The following HEMK2 variants were observed in gnomAD, a reference collection of about 807,000 sequenced individuals.
HEMK2 encodes methyltransferase HEMK2.
the HEMK2 span, chr21:28,577,518 T>C: frequency 1.3e-5 from 2 of 152,198 alleles, no homozygotes; most frequent in African/African-American, 4.8e-5. Flanking sequence ...GCATTGATAT[T>C]CTGGGAAATG....
At chr21:28,795,507 CTT>C in the HEMK2 span, among the ~76,000 whole-genome samples, 1 of 152,238 alleles carries the variant, frequency 6.6e-6, no homozygotes, top group Non-Finnish European at 1.5e-5. Flanking sequence ...CTCTTCATCT[CTT>C]TATCTGCAAT....
chr21:28,802,475 C>G, the HEMK2 span, among the ~76,000 whole-genome samples: 1 of 152,164 alleles, frequency 6.6e-6, no homozygotes, highest in African/African-American at 2.4e-5. Context: ...GGCCTGTAAT[C>G]TCAGCACTTT....
At chr21:28,678,835 A>T in the HEMK2 span, among the ~76,000 whole-genome samples, 85 of 152,354 alleles carry the variant, frequency 5.6e-4, 1 homozygote, top group Non-Finnish European at 1.1e-3. Context: ...TTTACAGACA[A>T]GCAAATGCTG....
the HEMK2 span, among the ~76,000 whole-genome samples, chr21:28,831,470 A>AAAGAAG: frequency 5.3e-5 from 2 of 37,480 alleles, 1 homozygote; most frequent in Non-Finnish European, 9.2e-5. Flanking sequence ...AACGAAAGAA[A>AAAGAAG]GAAAGAAAGA....
At chr21:28,877,350 G>GA in the HEMK2 span, among the ~76,000 whole-genome samples, 2 of 128,670 alleles carry the variant, frequency 1.6e-5, no homozygotes, top group Non-Finnish European at 3.3e-5. Flanking sequence ...AGGAAGGAAA[G>GA]AAAAAAAAGA....
chr21:28,801,917 C>T, the HEMK2 span, among the ~76,000 whole-genome samples: 2 of 152,130 alleles, frequency 1.3e-5, no homozygotes, highest in Non-Finnish European at 2.9e-5. Flanking sequence ...GAAACAGAGG[C>T]TCTCACACAT....
the HEMK2 span, among the ~76,000 whole-genome samples, chr21:28,755,253 C>T: frequency 0.053 from 8,086 of 152,224 alleles, 438 homozygotes; most frequent in African/African-American, 0.14. Flanking sequence ...TTCTGTGAAA[C>T]TGCCAAAGCC....
chr21:28,788,152 A>G, the HEMK2 span, among the ~76,000 whole-genome samples: 14 of 150,640 alleles, frequency 9.3e-5, no homozygotes, highest in South Asian at 2.9e-3. Context: ...ATATACATAT[A>G]TGTATACATA....
chr21:28,601,526 C>T, the HEMK2 span, among the ~76,000 whole-genome samples: 1 of 152,080 alleles, frequency 6.6e-6, no homozygotes, highest in African/African-American at 2.4e-5. Flanking sequence ...TCGCACTACA[C>T]CCACTTCACC....
chr21:28,845,078 G>A, the HEMK2 span, among the ~76,000 whole-genome samples: 12 of 151,986 alleles, frequency 7.9e-5, no homozygotes, highest in South Asian at 1.7e-3. Context: ...TTCTTGCAAG[G>A]CTTTTACAAT....
chr21:28,831,357 A>G, the HEMK2 span, among the ~76,000 whole-genome samples: 1 of 150,644 alleles, frequency 6.6e-6, no homozygotes, highest in African/African-American at 2.4e-5. Context: ...GAGGCAGGAG[A>G]ATCACTTGAA....
the HEMK2 span, among the ~76,000 whole-genome samples, chr21:28,661,637 A>G: frequency 6.6e-6 from 1 of 151,800 alleles, no homozygotes; most frequent in Non-Finnish European, 1.5e-5. Flanking sequence ...TCCTGGTTCT[A>G]ATGAAGTTCT....
the HEMK2 span, among the ~76,000 whole-genome samples, chr21:28,590,225 A>G: frequency 1.1e-4 from 16 of 152,198 alleles, no homozygotes; most frequent in Non-Finnish European, 2.2e-4. Context: ...TTGATAAGAA[A>G]AAGAGGAAGC....
the HEMK2 span, among the ~76,000 whole-genome samples, chr21:28,638,090 C>T: frequency 1.3e-5 from 2 of 152,166 alleles, no homozygotes; most frequent in Non-Finnish European, 2.9e-5. Context: ...ATTCACCCTG[C>T]TAAGCAGAGG....
At chr21:28,750,805 C>T in the HEMK2 span, among the ~76,000 whole-genome samples, 3 of 151,676 alleles carry the variant, frequency 2.0e-5, no homozygotes, top group African/African-American at 4.8e-5. Context: ...CAACCTGGTT[C>T]AGTCTTTCAC....
the HEMK2 span, among the ~76,000 whole-genome samples, chr21:28,601,046 T>C: frequency 1.5e-4 from 23 of 152,238 alleles, no homozygotes; most frequent in Non-Finnish European, 2.9e-4. Context: ...ATATTCAATC[T>C]TCTAACATAT....
chr21:28,776,168 A>G, the HEMK2 span, among the ~76,000 whole-genome samples: 2 of 152,216 alleles, frequency 1.3e-5, no homozygotes, highest in African/African-American at 4.8e-5. Context: ...GGGAGTTTCA[A>G]TGGCAATGCC....
At chr21:28,738,633 C>A in the HEMK2 span, among the ~76,000 whole-genome samples, 1 of 152,316 alleles carries the variant, frequency 6.6e-6, no homozygotes, top group South Asian at 2.1e-4. Flanking sequence ...AAGCCAGGAC[C>A]CTGGGCCTTC....
the HEMK2 span, among the ~76,000 whole-genome samples, chr21:28,593,654 CAAAG>C: frequency 6.6e-6 from 1 of 152,024 alleles, no homozygotes; most frequent in African/African-American, 2.4e-5. Context: ...GAATGTATGT[CAAAG>C]AAACACAGGA....
Sources: allele counts gnomAD v4.1 joint callset (sites outside exome capture counted in the v4.1 genomes callset), GRCh38; gene constraint gnomAD v4.1.1; transcripts MANE v1.5; gene names NCBI Gene and HGNC (gene_info 2026-07-23, HGNC 2026-07-21).